KCNK3: variants seen among roughly 807,000 people sequenced by gnomAD.
KCNK3 encodes the protein potassium channel subfamily K member 3.
A neutral mutation model predicts 27.3 loss-of-function variants in KCNK3; 9 were observed. The observed-to-expected ratio is 0.33, with a 90% CI of 0.20 to 0.57. The LOEUF is 0.57. KCNK3 is among the 20% of genes least tolerant of loss of function. The probability of loss-of-function intolerance (pLI) is 0.87; values close to 1 mark genes in which losing one functional copy is unlikely to be tolerated. For synonymous variants in KCNK3, 278 were observed against 273.8 expected (o/e 1.02, Z -0.15); for missense variants, 391 against 577.7 (o/e 0.68, Z 3.31).
At chr2:26,703,853 G>A (rs967468532) in intron 1 of KCNK3, among the ~76,000 whole-genome samples, 10 of 152,216 alleles carry the variant, frequency 6.6e-5, no homozygotes, top group Admixed American at 6.5e-4. Flanking sequence ...AAGATCAGCA[G>A]CCAGAGCTTT....
Position 26,709,326 on chromosome 2 carries a change from G to A in KCNK3, c.283+16168G>A, listed in dbSNP as rs191885311. ...TGCGCCAGATGAGATCAGCTGGGAA[G>A]GGGGTAGAGCTGGCAAGAAGAGCAG... On this transcript the variant is annotated intron_variant, in intron 1 of 1. Coordinates refer to ENST00000302909, the MANE Select transcript of KCNK3 (RefSeq NM_002246.3). Among the ~76,000 whole-genome samples the A allele has an allele frequency of 5.9e-5, 9 of 152,308 alleles. No individual in the cohort carries two copies. In the East Asian group the frequency reaches 1.7e-3, roughly 29 times the overall value.
At chr2:26,707,790 C>T (rs1007167237) in intron 1 of KCNK3, among the ~76,000 whole-genome samples, 2 of 152,192 alleles carry the variant, frequency 1.3e-5, no homozygotes, top group East Asian at 3.8e-4. Context: ...CAGCCCAACC[C>T]TTCTCTCTTC....
intron 1 of KCNK3, among the ~76,000 whole-genome samples, chr2:26,695,735 C>T (rs984901374): frequency 2.6e-5 from 4 of 152,142 alleles, no homozygotes; most frequent in Middle Eastern, 3.2e-3. Context: ...CTTCCTCTGC[C>T]GTTTCCCAAA....
intron 1 of KCNK3, among the ~76,000 whole-genome samples, chr2:26,696,414 C>A (rs1224757025): frequency 6.6e-6 from 1 of 152,212 alleles, no homozygotes; most frequent in Admixed American, 6.5e-5. Context: ...TCCTTTGACT[C>A]CATATGCTAT....
At chr2:26,716,327 C>T (rs927069027) in intron 1 of KCNK3, among the ~76,000 whole-genome samples, 13 of 152,128 alleles carry the variant, frequency 8.5e-5, no homozygotes, top group Non-Finnish European at 1.6e-4. Flanking sequence ...ATAGAGATTG[C>T]TTTGTAATTG....
intron 1 of KCNK3, among the ~76,000 whole-genome samples, chr2:26,712,576 C>T (rs562457003): frequency 1.3e-5 from 2 of 152,134 alleles, no homozygotes; most frequent in East Asian, 1.9e-4. Context: ...CAGATGTCCC[C>T]CTTCCCTGTG....
In KCNK3 at chr2:26,728,726, C is replaced by A; in HGVS notation, c.*158C>A. The A allele has an allele frequency of 1.6e-6, 1 of 613,196 alleles. No homozygotes were observed. The highest frequency in any genetic ancestry group is 2.4e-6 in the Non-Finnish European group (1 of 414,478). 38.0% of individuals were successfully genotyped at this position (613,196 alleles called of 1,614,324 possible). A position where few individuals can be genotyped will look rare whatever the true frequency, so the allele number is the denominator to read the frequency against. ...CCATCTCCGACTGTGCCTGCTTGCA[C>A]CAGCCGGCAGGAGGCCGGGCTCTGA... is the stretch of plus-strand genomic sequence containing the variant. On this transcript the variant is annotated 3_prime_UTR_variant, in exon 2 of 2. Transcript: ENST00000302909.
At chr2:26,695,399 T>C (rs976462679) in intron 1 of KCNK3, among the ~76,000 whole-genome samples, 5 of 152,036 alleles carry the variant, frequency 3.3e-5, no homozygotes, top group African/African-American at 1.2e-4. Context: ...ACCTTCTATT[T>C]ATCTTGTCCA....
chr2:26,721,163 C>A lies in KCNK3; in HGVS notation c.284-6504C>A, dbSNP rs1663321872. Reference sequence around the variant, plus strand: ...TCTGGGTTCTGCAGCCCTCCCACCCCAGGCCTGTGCTGGACACTGAGGGGA... The same window carrying A: ...TCTGGGTTCTGCAGCCCTCCCACCCAAGGCCTGTGCTGGACACTGAGGGGA... On this transcript the variant is annotated intron_variant, in intron 1 of 1. Transcript: ENST00000302909. This position sits in a 1 kb window ranked among gnomAD's most constrained non-coding sequence, Gnocchi z 4.3. 6.6e-6 allele frequency among the ~76,000 whole-genome samples: 1 copy of A among 152,122 alleles called. No individual in the cohort carries two copies. Among genetic ancestry groups the A allele is most frequent in the Admixed American group, 6.5e-5 (1 of 15,282 alleles).
At chr2:26,698,728 C>T (rs1448583222) in intron 1 of KCNK3, among the ~76,000 whole-genome samples, 1 of 152,158 alleles carries the variant, frequency 6.6e-6, no homozygotes, top group African/African-American at 2.4e-5. Flanking sequence ...ACTCCCCACC[C>T]CCCATCTCCC....
chr2:26,706,751 G>A (rs190251167), intron 1 of KCNK3, among the ~76,000 whole-genome samples: 1 of 152,286 alleles, frequency 6.6e-6, no homozygotes, highest in East Asian at 1.9e-4. Flanking sequence ...CTGCTTCCAG[G>A]GGGTGGGCCA....
At chr2:26,701,414 G>A (rs79650829) in intron 1 of KCNK3, among the ~76,000 whole-genome samples, 1,621 of 152,310 alleles carry the variant, frequency 0.011, 14 homozygotes, top group Non-Finnish European at 0.017. Flanking sequence ...GAGAAGTGGA[G>A]AAGGGCTTGC....
chr2:26,725,369 G>C (rs1017040012), intron 1 of KCNK3, among the ~76,000 whole-genome samples: 2 of 152,188 alleles, frequency 1.3e-5, no homozygotes. Flanking sequence ...ATCTTCCAGA[G>C]TGTAGGAAAG....
At chr2:26,726,058 A>G (rs1225094846) in intron 1 of KCNK3, among the ~76,000 whole-genome samples, 1 of 151,596 alleles carries the variant, frequency 6.6e-6, no homozygotes, top group Non-Finnish European at 1.5e-5. Context: ...AGATGTGGAA[A>G]CTAAGGCTCA....
At position 26,713,825 on chromosome 2, in the gene KCNK3, C is replaced by G. The variant is rs1189100340; in HGVS notation, c.284-13842C>G. Among the ~76,000 whole-genome samples the G allele has an allele frequency of 3.3e-5, 5 of 151,174 alleles. No individual in the cohort carries two copies. In the East Asian group the frequency reaches 9.7e-4, roughly 29 times the overall value. On this transcript the variant is annotated intron_variant, in intron 1 of 1. Coordinates refer to ENST00000302909, the MANE Select transcript of KCNK3 (RefSeq NM_002246.3). ...GTGCTGTGGCTCACACTTGTAATCCCAGCACTTTGGGAGGCCAAGATGGGT... is the reference window on the plus strand; with the variant it reads ...GTGCTGTGGCTCACACTTGTAATCCGAGCACTTTGGGAGGCCAAGATGGGT...
intron 1 of KCNK3, among the ~76,000 whole-genome samples, chr2:26,694,013 C>T (rs958737699): frequency 1.3e-5 from 2 of 152,084 alleles, no homozygotes; most frequent in African/African-American, 4.8e-5. Context: ...AGAGAACAAA[C>T]GTTGCCCAGG....
At chr2:26,711,372 G>T (rs185721221) in intron 1 of KCNK3, among the ~76,000 whole-genome samples, 1 of 152,080 alleles carries the variant, frequency 6.6e-6, no homozygotes, top group African/African-American at 2.4e-5. Flanking sequence ...ATGCTGCCCC[G>T]CACTCTCCCA....
chr2:26,697,940 C>T (rs80355409), intron 1 of KCNK3, among the ~76,000 whole-genome samples: 5,448 of 152,154 alleles, frequency 0.036, 342 homozygotes, highest in African/African-American at 0.12. Context: ...CCTGCCACCC[C>T]CAAAATCCCA....
Position 26,728,344 on chromosome 2 carries a change from C to T in KCNK3, c.961C>T (p.Leu321=). ...CCTGTGGTACAAGAGCCGCGAGAAGCTGCAGTACTCCATCCCCATGATCAT... is the reference window on the plus strand; with the variant it reads ...CCTGTGGTACAAGAGCCGCGAGAAGTTGCAGTACTCCATCCCCATGATCAT... ...SCLWYKSREK[L]QYSIPMIIPR... Residue 321 remains leucine (L), a synonymous_variant, in exon 2 of 2, where the codon CTG becomes TTG. Transcript: ENST00000302909. The T allele has an allele frequency of 2.5e-6, 4 of 1,605,906 alleles. No homozygotes were observed. The highest frequency in any genetic ancestry group is 2.5e-6 in the Non-Finnish European group (3 of 1,176,504).
Sources: allele counts gnomAD v4.1 joint callset (sites outside exome capture counted in the v4.1 genomes callset), GRCh38; gene constraint gnomAD v4.1.1; non-coding constraint Gnocchi (gnomAD v3.1); transcripts MANE v1.5; gene names NCBI Gene and HGNC (gene_info 2026-07-23, HGNC 2026-07-21).